PACS2: variants seen among roughly 807,000 people sequenced by gnomAD.
PACS2 encodes the protein PACS1-like protein.
PACS2 carries 36 observed loss-of-function variants against 113.0 expected under a neutral mutation model. The observed-to-expected ratio is 0.32, with a 90% CI of 0.24 to 0.42. The LOEUF (loss-of-function observed/expected upper bound fraction) is 0.42. PACS2 is among the 10% of genes least tolerant of loss of function. The pLI is 1.00. For synonymous variants in PACS2, 589 were observed against 536.1 expected (o/e 1.10, Z -1.36); for missense variants, 1,015 against 1,239.5 (o/e 0.82, Z 2.72).
intron 4 of PACS2, among the ~76,000 whole-genome samples, chr14:105,362,772 A>C (rs1299952255): frequency 6.6e-6 from 1 of 151,970 alleles, no homozygotes; most frequent in Non-Finnish European, 1.5e-5. Context: ...AATCGCTTGA[A>C]CCTGGGAGGC....
intron 9 of PACS2, among the ~76,000 whole-genome samples, chr14:105,378,555 G>C (rs1325137424): frequency 6.6e-6 from 1 of 152,166 alleles, no homozygotes; most frequent in Non-Finnish European, 1.5e-5. Flanking sequence ...GACCAATGGC[G>C]TGCGCCACCA....
In PACS2 at chr14:105,380,104, T is replaced by A. The variant is rs1566959338; in HGVS notation, c.1075T>A (p.Ser359Thr). 3 of 1,553,230 alleles carry A rather than the reference T, an allele frequency of 1.9e-6. No individual in the cohort carries two copies. Among genetic ancestry groups the A allele is most frequent in the Non-Finnish European group, 2.6e-6 (3 of 1,148,154 alleles). ...GGCTGACGTGCCCGAGAAGACGCGG[T>A]CCCTGGGAGGCAGGCAGCCGAGCGA... is the stretch of plus-strand genomic sequence containing the variant. ...SPADVPEKTR[S>T]LGGRQPSDSV... The change falls in exon 11 of 25, where the codon TCC (serine) becomes ACC (threonine). Residue 359 changes from serine to threonine, a missense_variant. By Grantham distance (58) the Ser-to-Thr change is moderately conservative (BLOSUM62 1). Coordinates refer to ENST00000447393, the MANE Select transcript of PACS2 (RefSeq NM_001100913.3).
intron 1 of PACS2, among the ~76,000 whole-genome samples, chr14:105,328,219 A>C (rs12101178): frequency 3.9e-5 from 6 of 152,168 alleles, no homozygotes; most frequent in Admixed American, 1.3e-4. Flanking sequence ...GGCTTATGCC[A>C]CACCCCCTGC....
chr14:105,394,125 T>C (rs1358596426), intron 24 of PACS2: 2 of 868,608 alleles, frequency 2.3e-6, no homozygotes, highest in African/African-American at 3.6e-5. Flanking sequence ...TTTCCTCTTT[T>C]TGAGCACGGG....
At chr14:105,353,685 C>T (rs1468067391) in intron 3 of PACS2, among the ~76,000 whole-genome samples, 1 of 151,994 alleles carries the variant, frequency 6.6e-6, no homozygotes, top group Non-Finnish European at 1.5e-5. Context: ...CCTCCACCTC[C>T]CGAGTTCAAG....
In PACS2 at chr14:105,352,338, T is replaced by G. The variant is rs369612776; in HGVS notation, c.208-40T>G. ...GTCTTTGCCTGGTTTCCTGCTGATA[T>G]GCAGTCCTTTGAGCTAGAACAGGTC... On this transcript the variant is annotated intron_variant, in intron 2 of 24. Transcript: ENST00000447393. The G allele has an allele frequency of 1.9e-5, 25 of 1,299,090 alleles. No homozygotes were observed. In the East Asian group the frequency reaches 5.7e-4, roughly 30 times the overall value. The allele number at this position is 1,299,090 out of a possible 1,614,324, so 80.5% of individuals were successfully genotyped here. A position where few individuals can be genotyped will look rare whatever the true frequency, so the allele number is the denominator to read the frequency against.
intron 9 of PACS2, 120 bp downstream of exon 9, chr14:105,377,045 C>T (rs1595744610): frequency 1.6e-5 from 18 of 1,093,380 alleles, no homozygotes; most frequent in East Asian, 2.7e-5. Context: ...CCAGCTGCCT[C>T]GAAGCCTGGG....
chr14:105,312,711 A>G (rs1448935162), upstream of PACS2, among the ~76,000 whole-genome samples: 1 of 152,214 alleles, frequency 6.6e-6, no homozygotes, highest in Non-Finnish European at 1.5e-5. Flanking sequence ...AGTTCTGGCT[A>G]AAAAGTTACT....
At position 105,358,638 on chromosome 14, in the gene PACS2, G is replaced by A. The variant is rs587608224; in HGVS notation, c.423+3461G>A. Among the ~76,000 whole-genome samples the A allele has an allele frequency of 9.2e-5, 14 of 152,324 alleles. No homozygotes were observed. The highest frequency in any genetic ancestry group is 2.1e-4 in the South Asian group (1 of 4,828). Reference sequence around the variant, plus strand: ...AAGGTTGACAGACCCATGACCAGGCGAAGGGGTGACCTGGGAGTGCGGTGG... The same window carrying A: ...AAGGTTGACAGACCCATGACCAGGCAAAGGGGTGACCTGGGAGTGCGGTGG... On this transcript the variant is annotated intron_variant, in intron 4 of 24. Coordinates refer to ENST00000447393, the MANE Select transcript of PACS2 (RefSeq NM_001100913.3). The surrounding 1 kb of genome is among the most constrained non-coding windows in gnomAD (Gnocchi z 4.9).
intron 4 of PACS2, among the ~76,000 whole-genome samples, chr14:105,362,385 C>G (rs2141104802): frequency 6.7e-6 from 1 of 149,042 alleles, no homozygotes; most frequent in East Asian, 2.0e-4. Context: ...CCACTGCACT[C>G]CAGCCTGGGC....
intron 1 of PACS2, among the ~76,000 whole-genome samples, chr14:105,344,250 A>T (rs2059835668): frequency 6.6e-6 from 1 of 150,696 alleles, no homozygotes. Context: ...TTTGCCTGGA[A>T]GTTTTTTTTT....
At chr14:105,373,787 C>CAA (rs587725045) in intron 8 of PACS2, among the ~76,000 whole-genome samples, 5,082 of 137,482 alleles carry the variant, frequency 0.037, 286 homozygotes, top group African/African-American at 0.12. Flanking sequence ...GACCCTGTCT[C>CAA]AAAAAAAAAA....
At chr14:105,369,653 A>G (rs1418005653) in intron 7 of PACS2, among the ~76,000 whole-genome samples, 188 bp from the exon 8 acceptor site, 1 of 152,182 alleles carries the variant, frequency 6.6e-6, no homozygotes, top group Non-Finnish European at 1.5e-5. Flanking sequence ...CCAGGAATGG[A>G]ACTGTCAGAC....
At chr14:105,338,432 G>T (rs993218550) in intron 1 of PACS2, among the ~76,000 whole-genome samples, 9 of 152,182 alleles carry the variant, frequency 5.9e-5, no homozygotes, top group African/African-American at 2.2e-4. Context: ...CCCAGGGGGT[G>T]TTTGTCCTTT....
In PACS2 at chr14:105,376,377, AG is replaced by A. The variant is rs1338964527; in HGVS notation, c.802-387del. On this transcript the variant is annotated intron_variant, in intron 8 of 24. Transcript: ENST00000447393. This position sits in a 1 kb window ranked among gnomAD's most constrained non-coding sequence, Gnocchi z 4.7. ...GATTCGCAGGGCCTGGGGCTGAGGGAGGGGACGCACTAGAGGAAGGCAAAGG... is the reference window on the plus strand; with the variant it reads ...GATTCGCAGGGCCTGGGGCTGAGGGAGGGACGCACTAGAGGAAGGCAAAGG... Among the ~76,000 whole-genome samples the A allele has an allele frequency of 2.6e-5, 4 of 151,690 alleles. No homozygotes were observed. Among genetic ancestry groups the A allele is most frequent in the African/African-American group, 9.7e-5 (4 of 41,212 alleles).
intron 1 of PACS2, among the ~76,000 whole-genome samples, chr14:105,301,608 C>T (rs1193259875): frequency 1.3e-5 from 2 of 152,240 alleles, no homozygotes; most frequent in African/African-American, 4.8e-5. Context: ...CGGCGTCCGC[C>T]GCTCCGCTCG....
upstream of PACS2, among the ~76,000 whole-genome samples, chr14:105,310,399 A>G (rs1182828464): frequency 5.9e-5 from 9 of 151,896 alleles, no homozygotes; most frequent in Admixed American, 1.3e-4. Context: ...GCGTGGTGGC[A>G]GGCGCCTGTA....
chr14:105,393,431 G>T (rs1399056813), intron 24 of PACS2, 96 bp downstream of exon 24: 2 of 711,704 alleles, frequency 2.8e-6, no homozygotes, highest in Non-Finnish European at 4.7e-6. Context: ...CGGGTGTCTC[G>T]CTGTGACACG....
chr14:105,344,376 T>A (rs1555402190), intron 1 of PACS2, among the ~76,000 whole-genome samples: 3 of 151,938 alleles, frequency 2.0e-5, no homozygotes, highest in Non-Finnish European at 4.4e-5. Flanking sequence ...CTACAACCTC[T>A]GCCTCCCCAG....
Sources: allele counts gnomAD v4.1 joint callset (sites outside exome capture counted in the v4.1 genomes callset), GRCh38; gene constraint gnomAD v4.1.1; non-coding constraint Gnocchi (gnomAD v3.1); transcripts MANE v1.5; gene names NCBI Gene and HGNC (gene_info 2026-07-23, HGNC 2026-07-21).